Variants in LDLRAD3 observed in about 807,000 individuals in gnomAD.
LDLRAD3 encodes the protein low density lipoprotein receptor class A domain containing 3, also known as low-density lipoprotein receptor class A domain-containing protein 3.
In LDLRAD3, 20 loss-of-function variants were observed where a neutral mutation model predicts 29.4. The ratio of observed to expected loss-of-function variants is 0.68; its 90% CI spans 0.48 to 0.99. The LOEUF is 0.99. Ranked by LOEUF, LDLRAD3 falls within the 50% of genes least tolerant of loss-of-function variation. LDLRAD3 has a pLI of 0.00. For synonymous variants in LDLRAD3, 157 were observed against 192.7 expected, an observed-to-expected ratio of 0.81 and a Z score of 1.53; for missense variants, 420 against 454.3, an observed-to-expected ratio of 0.92 and a Z score of 0.69.
intron 4 of LDLRAD3, among the ~76,000 whole-genome samples, chr11:36,209,111 C>A (rs1401254297): frequency 7.2e-5 from 11 of 152,164 alleles, no homozygotes; most frequent in Non-Finnish European, 1.5e-4. Context: ...GAGGGACATT[C>A]TACAAAATAA....
At chr11:36,156,136 T>A (rs1854347748) in intron 4 of LDLRAD3, among the ~76,000 whole-genome samples, 1 of 152,206 alleles carries the variant, frequency 6.6e-6, no homozygotes, top group South Asian at 2.1e-4. Context: ...TCCTTTGCTT[T>A]CGTTGAGAAG....
intron 1 of LDLRAD3, chr11:35,967,616 T>C: frequency 2.2e-6 from 1 of 460,100 alleles, no homozygotes; most frequent in Non-Finnish European, 4.2e-6. Flanking sequence ...ATCAGCTTCA[T>C]TTTCAACTTC....
At chr11:36,146,955 A>G (rs1854203753) in intron 4 of LDLRAD3, among the ~76,000 whole-genome samples, 1 of 151,400 alleles carries the variant, frequency 6.6e-6, no homozygotes, top group Non-Finnish European at 1.5e-5. Flanking sequence ...ACATGCAGCT[A>G]ATTTTTGTAT....
intron 1 of LDLRAD3, among the ~76,000 whole-genome samples, chr11:36,008,757 C>T (rs144631704): frequency 5.1e-4 from 78 of 152,218 alleles, no homozygotes; most frequent in African/African-American, 1.1e-3. Context: ...GAAATGAATC[C>T]GCTCTTATTC....
intron 1 of LDLRAD3, among the ~76,000 whole-genome samples, chr11:36,016,546 C>T (rs751424845): frequency 3.9e-5 from 6 of 152,172 alleles, no homozygotes; most frequent in African/African-American, 1.4e-4. Flanking sequence ...CGCTATGCCA[C>T]CTCTCCCCTA....
intron 4 of LDLRAD3, among the ~76,000 whole-genome samples, chr11:36,203,972 C>T (rs928748183): frequency 2.7e-5 from 4 of 150,942 alleles, no homozygotes; most frequent in Non-Finnish European, 4.4e-5. Context: ...GCTGGTTCCA[C>T]GGCACTTTTC....
intron 3 of LDLRAD3, among the ~76,000 whole-genome samples, chr11:36,097,942 G>A (rs185931243): frequency 6.6e-6 from 1 of 152,338 alleles, no homozygotes; most frequent in East Asian, 1.9e-4. Context: ...CTGTATTATA[G>A]CCTGGTCTAA....
At chr11:36,090,891 C>T (rs1358322899) in intron 3 of LDLRAD3, among the ~76,000 whole-genome samples, 2 of 151,984 alleles carry the variant, frequency 1.3e-5, no homozygotes, top group African/African-American at 4.8e-5. Flanking sequence ...GGGAGAGGCC[C>T]AGAGGACCTG....
rs181835549 is a variant in LDLRAD3, at chr11:36,222,515, C to T, written c.455-4570C>T. On this transcript the variant is annotated intron_variant, in intron 4 of 5. Coordinates refer to ENST00000315571, the MANE Select transcript of LDLRAD3 (RefSeq NM_174902.4). Reference sequence around the variant, plus strand: ...ACCAGGCACGAATATACCTGTTTGCCTGAGACCTGGCCAGCAGTATATGAG... The same window carrying T: ...ACCAGGCACGAATATACCTGTTTGCTTGAGACCTGGCCAGCAGTATATGAG... 2.0e-5 allele frequency among the ~76,000 whole-genome samples: 3 copies of T among 152,280 alleles called. No individual in the cohort carries two copies. In the East Asian group the frequency reaches 5.8e-4, roughly 29 times the overall value.
At chr11:36,014,319 C>T (rs1462506447) in intron 1 of LDLRAD3, among the ~76,000 whole-genome samples, 2 of 152,108 alleles carry the variant, frequency 1.3e-5, no homozygotes, top group Admixed American at 6.5e-5. Context: ...GGTGCATGAC[C>T]GGCATGGAGC....
At chr11:36,030,433 GGAGT>G (rs1272390219) in intron 1 of LDLRAD3, among the ~76,000 whole-genome samples, 1 of 97,854 alleles carries the variant, frequency 1.0e-5, no homozygotes, top group East Asian at 3.1e-4. Flanking sequence ...GCCTGTGCAT[GGAGT>G]GTGTGTGTGT....
intron 4 of LDLRAD3, among the ~76,000 whole-genome samples, chr11:36,222,068 T>A (rs1291641521): frequency 6.6e-6 from 1 of 152,108 alleles, no homozygotes; most frequent in Non-Finnish European, 1.5e-5. Context: ...TGAATGCTCA[T>A]TTTGTTTGTT....
intron 4 of LDLRAD3, among the ~76,000 whole-genome samples, chr11:36,200,099 G>A (rs988328820): frequency 2.0e-5 from 3 of 152,078 alleles, no homozygotes; most frequent in South Asian, 2.1e-4. Flanking sequence ...CCAGAAAGGC[G>A]GATGTGTAGT....
chr11:36,072,124 A>T (rs1852915439), intron 2 of LDLRAD3, among the ~76,000 whole-genome samples: 1 of 152,184 alleles, frequency 6.6e-6, no homozygotes. Context: ...ATCCTGGGGC[A>T]GGAGTGGGAG....
At chr11:36,009,879 G>T (rs1851933534) in intron 1 of LDLRAD3, among the ~76,000 whole-genome samples, 1 of 152,150 alleles carries the variant, frequency 6.6e-6, no homozygotes, top group Admixed American at 6.6e-5. Flanking sequence ...CCAGTATCAG[G>T]AATTCTCCAG....
At chr11:36,002,273 A>AG (rs1423073217) in intron 1 of LDLRAD3, among the ~76,000 whole-genome samples, 1 of 152,188 alleles carries the variant, frequency 6.6e-6, no homozygotes, top group Non-Finnish European at 1.5e-5. Flanking sequence ...GATCAGAAAA[A>AG]TCCCCAGAAA....
intron 1 of LDLRAD3, among the ~76,000 whole-genome samples, chr11:36,020,101 C>A (rs1489849614): frequency 6.6e-6 from 1 of 152,232 alleles, no homozygotes; most frequent in Admixed American, 6.5e-5. Flanking sequence ...TGGAGGCAAG[C>A]TTTTACCTGC....
intron 4 of LDLRAD3, among the ~76,000 whole-genome samples, chr11:36,139,836 G>A (rs1379275707): frequency 1.3e-5 from 2 of 152,214 alleles, no homozygotes; most frequent in Non-Finnish European, 2.9e-5. Context: ...AGTATGGAAA[G>A]AATAGGGGGC....
intron 1 of LDLRAD3, among the ~76,000 whole-genome samples, chr11:35,949,328 C>T (rs1851101560): frequency 6.6e-6 from 1 of 152,174 alleles, no homozygotes; most frequent in Admixed American, 6.5e-5. Context: ...CACCTGGTTC[C>T]CTGAATGTTA....
Sources: allele counts gnomAD v4.1 joint callset (sites outside exome capture counted in the v4.1 genomes callset), GRCh38; gene constraint gnomAD v4.1.1; transcripts MANE v1.5; gene names NCBI Gene and HGNC (gene_info 2026-07-23, HGNC 2026-07-21).